The following DMD variants were observed in gnomAD, a reference collection of about 807,000 sequenced individuals.
DMD encodes the protein mutant dystrophin.
In DMD, 63 loss-of-function variants were observed where a neutral mutation model predicts 330.1. That is an observed-to-expected ratio of 0.19 (90% CI 0.16 to 0.24). The LOEUF (loss-of-function observed/expected upper bound fraction) is 0.24, where lower values mean the gene tolerates loss of function less well. Ranked by LOEUF, DMD falls within the 10% of genes least tolerant of loss-of-function variation. The probability of loss-of-function intolerance (pLI) is 1.00; values close to 1 mark genes in which losing one functional copy is unlikely to be tolerated. For synonymous variants in DMD, 1,223 were observed against 959.8 expected (o/e 1.27, Z -5.07); for missense variants, 3,344 against 2,684.1 (o/e 1.25, Z -5.43).
At chrX:31,171,003 C>T (rs2039934294) in intron 73 of DMD, among the ~76,000 whole-genome samples, 1 of 112,062 alleles carries the variant, frequency 8.9e-6, no homozygotes, top group African/African-American at 3.2e-5. Flanking sequence ...GTAGATACAA[C>T]TCGAATTAAT....
chrX:32,667,630 A>T (rs1282430570), intron 9 of DMD, among the ~76,000 whole-genome samples: 1 of 111,916 alleles, frequency 8.9e-6, no homozygotes, highest in Non-Finnish European at 1.9e-5. Flanking sequence ...TGAAAGCATA[A>T]GATGGAAATC....
At chrX:33,196,069 C>T (rs993250211) in intron 1 of DMD, among the ~76,000 whole-genome samples, 2 of 110,441 alleles carry the variant, frequency 1.8e-5, no homozygotes, top group Non-Finnish European at 3.8e-5. Context: ...CATATTGGGG[C>T]CCCATTTTCT....
chrX:32,232,620 C>A (rs1458464045), intron 43 of DMD, among the ~76,000 whole-genome samples: 2 of 111,897 alleles, frequency 1.8e-5, no homozygotes, highest in Admixed American at 9.6e-5. Flanking sequence ...AAAAGTCGGG[C>A]CCCTTTTGCT....
At chrX:31,592,526 A>T (rs1030210352) in intron 55 of DMD, among the ~76,000 whole-genome samples, 1 of 108,625 alleles carries the variant, frequency 9.2e-6, no homozygotes, top group Admixed American at 1.0e-4. Context: ...AGTGTCTCAC[A>T]CACACACACA....
intron 44 of DMD, among the ~76,000 whole-genome samples, chrX:31,988,423 G>C (rs1310123650): frequency 2.2e-4 from 19 of 86,384 alleles, no homozygotes; most frequent in African/African-American, 9.3e-5. Context: ...GCAGTGAGCC[G>C]AGATCATGCC....
At chrX:33,247,614 A>G (rs933177176) in intron 1 of DMD, among the ~76,000 whole-genome samples, 6 of 111,688 alleles carry the variant, frequency 5.4e-5, no homozygotes, top group Non-Finnish European at 1.1e-4. Context: ...GGTCTACTTA[A>G]TGTGGCTAAA....
At chrX:33,039,363 C>CCAAA (rs1196580267) in intron 1 of DMD, among the ~76,000 whole-genome samples, 12 of 107,058 alleles carry the variant, frequency 1.1e-4, no homozygotes, top group East Asian at 8.8e-4. Flanking sequence ...CCCCACCCCA[C>CCAAA]CAAACAAACA....
Position 32,312,484 on chromosome X carries a change from A to G in DMD, c.5923-2208T>C, listed in dbSNP as rs181372593. 3.2e-3 allele frequency among the ~76,000 whole-genome samples: 357 copies of G among 111,145 alleles called. 1 individual carries two copies. Among genetic ancestry groups the G allele is most frequent in the African/African-American group, 0.011 (340 of 30,726 alleles). ...GAAACTTAGCTGTATGGTCAAATAT[A>G]ATGAAGAAAAAGACACTCAAAATAT... On this transcript the variant is annotated intron_variant, in intron 41 of 78. Transcript: ENST00000357033.
At chrX:32,836,928 C>T (rs1260123816) in intron 4 of DMD, among the ~76,000 whole-genome samples, 1 of 111,632 alleles carries the variant, frequency 9.0e-6, no homozygotes, top group East Asian at 2.8e-4. Flanking sequence ...AAGTTTACGA[C>T]GAAGAGCAGA....
intron 1 of DMD, among the ~76,000 whole-genome samples, chrX:33,328,388 G>T (rs963266634): frequency 9.1e-6 from 1 of 109,882 alleles, no homozygotes. Flanking sequence ...AGTAGAGATG[G>T]GGTTTCACCA....
intron 16 of DMD, among the ~76,000 whole-genome samples, chrX:32,562,934 G>C (rs994452095): frequency 8.9e-6 from 1 of 111,751 alleles, no homozygotes; most frequent in East Asian, 2.8e-4. Flanking sequence ...TGAAACATAA[G>C]CTTAAGAAAA....
intron 55 of DMD, among the ~76,000 whole-genome samples, chrX:31,589,938 A>T (rs2076794273): frequency 9.0e-6 from 1 of 111,456 alleles, no homozygotes; most frequent in African/African-American, 3.3e-5. Flanking sequence ...CTCCCAAAAT[A>T]AATACATAAT....
intron 60 of DMD, among the ~76,000 whole-genome samples, chrX:31,425,711 C>T (rs2063677040): frequency 1.9e-5 from 2 of 105,435 alleles, no homozygotes; most frequent in Non-Finnish European, 3.9e-5. Context: ...CACACACACA[C>T]GCACACAATA....
intron 11 of DMD, among the ~76,000 whole-genome samples, chrX:32,619,150 T>C (rs1423780959): frequency 9.0e-6 from 1 of 111,460 alleles, no homozygotes; most frequent in Non-Finnish European, 1.9e-5. Flanking sequence ...TAAAATACTG[T>C]CATTTGCAAC....
chrX:32,133,067 C>T (rs1227452366), intron 44 of DMD, among the ~76,000 whole-genome samples: 3 of 98,811 alleles, frequency 3.0e-5, no homozygotes, highest in African/African-American at 1.2e-4. Flanking sequence ...AGCGCAGTGG[C>T]ACAATCTTTT....
chrX:31,832,536 T>C (rs763746458), intron 49 of DMD, among the ~76,000 whole-genome samples: 2 of 112,287 alleles, frequency 1.8e-5, no homozygotes, highest in Non-Finnish European at 3.8e-5. Flanking sequence ...AAGATTATAA[T>C]TGCCCTCTTG....
At chrX:32,887,768 A>AAAAAAAAAAAAAAAAAAAAT (rs2084791776) in intron 2 of DMD, among the ~76,000 whole-genome samples, 1 of 101,921 alleles carries the variant, frequency 9.8e-6, no homozygotes, top group Non-Finnish European at 2.0e-5. Context: ...AAAAAAAAAA[A>AAAAAAAAAAAAAAAAAAAAT]AAAAAAAACA....
chrX:32,160,265 ACT>A lies in DMD; in HGVS notation c.6438+56649_6438+56650del, dbSNP rs368582014. ...TTTGCTTTTTTGAAGACAGGGTCTC[ACT>A]CTGTCATGTGGGCTGGAGTGCAGTG... On this transcript the variant is annotated intron_variant, in intron 44 of 78. Transcript: ENST00000357033. Among the ~76,000 whole-genome samples, 373 of 104,943 alleles carry A rather than the reference ACT, an allele frequency of 3.6e-3. 3 individuals are homozygous for A. The highest frequency in any genetic ancestry group is 8.6e-3 in the African/African-American group (245 of 28,459). 91.1% of individuals were successfully genotyped at this position (104,943 alleles called of 115,157 possible). A position where few individuals can be genotyped will look rare whatever the true frequency, so the allele number is the denominator to read the frequency against.
chrX:32,896,856 T>C (rs754977758), intron 2 of DMD, among the ~76,000 whole-genome samples: 10 of 112,333 alleles, frequency 8.9e-5, no homozygotes, highest in Non-Finnish European at 1.3e-4. Flanking sequence ...GATTCAAAGA[T>C]TCAACAACAC....
Sources: allele counts gnomAD v4.1 joint callset (sites outside exome capture counted in the v4.1 genomes callset), GRCh38; gene constraint gnomAD v4.1.1; transcripts MANE v1.5; gene names NCBI Gene and HGNC (gene_info 2026-07-23, HGNC 2026-07-21).